The following PCDHGB5 variants were observed in gnomAD, a reference collection of about 807,000 sequenced individuals.
The protein encoded by PCDHGB5 is protocadherin gamma-B5.
In PCDHGB5, 48 loss-of-function variants were observed where a neutral mutation model predicts 62.9. The ratio of observed to expected loss-of-function variants is 0.76; its 90% CI spans 0.61 to 0.97. PCDHGB5 has a LOEUF of 0.97. Ranked by LOEUF, PCDHGB5 falls within the 50% of genes least tolerant of loss-of-function variation. PCDHGB5 has a pLI of 0.00. For synonymous variants in PCDHGB5, 474 were observed against 511.2 expected, an observed-to-expected ratio of 0.93 and a Z score of 0.98; for missense variants, 1,118 against 1,198.6, an observed-to-expected ratio of 0.93 and a Z score of 0.99.
chr5:141,421,665 C>T, intron 1 of PCDHGB5: 1 of 1,613,854 alleles, frequency 6.2e-7, no homozygotes, highest in African/African-American at 1.3e-5. Context: ...TCAGTGAGCA[C>T]GCAATTCCTG....
rs934366037 is a variant in PCDHGB5, at chr5:141,408,906, C to T, written c.2397+8382C>T. On this transcript the variant is annotated intron_variant, in intron 1 of 3. Transcript: ENST00000617380. Reference sequence around the variant, plus strand: ...CACATAGAAATTTCTGTCAAGGATACCAATGATAACCCCCCGGTTTTCAGC... The same window carrying T: ...CACATAGAAATTTCTGTCAAGGATATCAATGATAACCCCCCGGTTTTCAGC... 2.5e-6 allele frequency: 4 copies of T among 1,613,136 alleles called. No homozygotes were observed. The African/African-American group carries it at 4.0e-5, about 16-fold the overall frequency.
Position 141,489,252 on chromosome 5 carries a change from G to A in PCDHGB5, c.2398-5555G>A. 2 of 1,547,622 alleles carry A rather than the reference G, an allele frequency of 1.3e-6. No individual in the cohort carries two copies. Among genetic ancestry groups the A allele is most frequent in the Non-Finnish European group, 1.7e-6 (2 of 1,147,198 alleles). On this transcript the variant is annotated intron_variant, in intron 1 of 3. Coordinates refer to ENST00000617380, the MANE Select transcript of PCDHGB5 (RefSeq NM_018925.3). The surrounding 1 kb of genome is among the most constrained non-coding windows in gnomAD (Gnocchi z 4.5). ...GGGACTTCTGGGTCATGGGGCCCAAGACACTCCCACAGCTCGCTGGGAAAT... is the reference window on the plus strand; with the variant it reads ...GGGACTTCTGGGTCATGGGGCCCAAAACACTCCCACAGCTCGCTGGGAAAT...
At position 141,487,198 on chromosome 5, in the gene PCDHGB5, T is replaced by A; in HGVS notation, c.2398-7609T>A. The A allele has an allele frequency of 1.2e-6, 2 of 1,613,854 alleles. No individual in the cohort carries two copies. The highest frequency in any genetic ancestry group is 1.7e-6 in the Non-Finnish European group (2 of 1,179,722). ...AAGACACTCATCCAGTTGTCCCAGATCTTCGAGAATCTTCAGCTCCAAGGG... is the reference window on the plus strand; with the variant it reads ...AAGACACTCATCCAGTTGTCCCAGAACTTCGAGAATCTTCAGCTCCAAGGG... On this transcript the variant is annotated intron_variant, in intron 1 of 3. Transcript: ENST00000617380. The surrounding 1 kb of genome is among the most constrained non-coding windows in gnomAD (Gnocchi z 5.0).
intron 1 of PCDHGB5, among the ~76,000 whole-genome samples, chr5:141,463,570 T>A (rs557041487): frequency 2.7e-5 from 4 of 146,586 alleles, no homozygotes; most frequent in Middle Eastern, 3.5e-3. Context: ...TGCCTCAGCC[T>A]CCCGAGTAGC....
intron 1 of PCDHGB5, chr5:141,404,334 T>TC: frequency 6.2e-7 from 1 of 1,613,882 alleles, no homozygotes; most frequent in Non-Finnish European, 8.5e-7. Context: ...TCAGTCTACC[T>TC]CCCGGAAAAC....
intron 1 of PCDHGB5, chr5:141,410,576 C>T (rs533810160): frequency 8.7e-6 from 14 of 1,611,152 alleles, no homozygotes; most frequent in Non-Finnish European, 1.2e-5. Context: ...AATTCCACCT[C>T]ATGGTGGGGA....
intron 1 of PCDHGB5, chr5:141,421,722 G>C: frequency 6.2e-7 from 1 of 1,613,972 alleles, no homozygotes; most frequent in Non-Finnish European, 8.5e-7. Flanking sequence ...ATGTGGGCGT[G>C]AACTCCCTCC....
At chr5:141,415,129 G>C in intron 1 of PCDHGB5, 1 of 1,613,656 alleles carries the variant, frequency 6.2e-7, no homozygotes, top group African/African-American at 1.3e-5. Flanking sequence ...GGCCGTCCAG[G>C]ACCACGGCCA....
chr5:141,506,815 A>G (rs2099856451), intron 3 of PCDHGB5, among the ~76,000 whole-genome samples: 1 of 152,214 alleles, frequency 6.6e-6, no homozygotes, highest in African/African-American at 2.4e-5. Flanking sequence ...GCATTGCCCT[A>G]TATCATGAAC....
intron 1 of PCDHGB5, among the ~76,000 whole-genome samples, chr5:141,458,079 C>G (rs1016889225): frequency 6.6e-6 from 1 of 152,186 alleles, no homozygotes; most frequent in Non-Finnish European, 1.5e-5. Context: ...AACTATATTG[C>G]CGTAAGTTAA....
intron 1 of PCDHGB5, chr5:141,440,761 C>T (rs2098198732): frequency 6.6e-6 from 1 of 152,172 alleles, no homozygotes; most frequent in African/African-American, 2.4e-5. Context: ...GCAGAGCTCC[C>T]ATCCCTTAGT....
intron 2 of PCDHGB5, among the ~76,000 whole-genome samples, chr5:141,501,365 A>G (rs1360125423): frequency 1.3e-5 from 2 of 151,500 alleles, no homozygotes; most frequent in Admixed American, 6.6e-5. Flanking sequence ...AACCATATTC[A>G]TCATCTCTTA....
Position 141,399,787 on chromosome 5 carries a change from A to C in PCDHGB5, c.1660A>C (p.Asn554His), listed in dbSNP as rs111395890. ...CGTGTTGGTGGGCGACCGAAACGAC[A>C]ACGCACCGCGGGTGCTGTACCCCGC... ...LRVLVGDRND[N>H]APRVLYPALG... Residue 554 changes from asparagine to histidine, a missense_variant, in exon 1 of 4, where the codon AAC becomes CAC. By Grantham distance (68) the Asn-to-His change is moderately conservative. Coordinates refer to ENST00000617380, the MANE Select transcript of PCDHGB5 (RefSeq NM_018925.3). 76,979 of 1,613,184 alleles carry C rather than the reference A, an allele frequency of 0.048. 1,998 individuals carry two copies. The highest frequency in any genetic ancestry group is 0.077 in the South Asian group (6,989 of 91,044).
Position 141,476,116 on chromosome 5 carries a change from G to C in PCDHGB5, c.2398-18691G>C, listed in dbSNP as rs367958555. On this transcript the variant is annotated intron_variant, in intron 1 of 3. Transcript: ENST00000617380. The surrounding 1 kb of genome is among the most constrained non-coding windows in gnomAD (Gnocchi z 7.6). ...GCTGAGAGGAACTGCTTTTGAGTGA[G>C]ATGGTCCCAGAGGCCTGGAGGAGCG... 504 of 1,593,954 alleles carry C rather than the reference G, an allele frequency of 3.2e-4. No individual in the cohort carries two copies. Among genetic ancestry groups the C allele is most frequent in the Non-Finnish European group, 4.1e-4 (479 of 1,172,292 alleles).
chr5:141,456,633 C>CT (rs1229637837), intron 1 of PCDHGB5, among the ~76,000 whole-genome samples: 1 of 152,182 alleles, frequency 6.6e-6, no homozygotes, highest in Non-Finnish European at 1.5e-5. Context: ...CTCTTCTTTA[C>CT]TACAGGTGTT....
In PCDHGB5 at chr5:141,511,286, G is replaced by A. The variant is rs1231704933; in HGVS notation, c.*113G>A. On this transcript the variant is annotated 3_prime_UTR_variant, in exon 4 of 4. Coordinates refer to ENST00000617380, the MANE Select transcript of PCDHGB5 (RefSeq NM_018925.3). The stretch of plus-strand genomic sequence containing the variant: ...GGCTAACCCCCAGAATACTGGTAGG[G>A]GCCAAGGCCATGCTCCCCTTGGGAA... 2 of 1,520,242 alleles carry A rather than the reference G, an allele frequency of 1.3e-6. No individual in the cohort carries two copies. The allele number at this position is 1,520,242 out of a possible 1,614,324, so 94.2% of individuals were successfully genotyped here.
rs778246278 is a variant in PCDHGB5 at position 141,491,522 on chromosome 5, A to C, written c.2398-3285A>C. The C allele has an allele frequency of 6.2e-6, 10 of 1,614,024 alleles. No individual in the cohort carries two copies. The highest frequency in any genetic ancestry group is 8.5e-6 in the Non-Finnish European group (10 of 1,180,002). ...TCGGACGGCACGCTCAAGTACATGGAGGTGACGCTGCGGCCCACAGACTCG... is the reference window on the plus strand; with the variant it reads ...TCGGACGGCACGCTCAAGTACATGGCGGTGACGCTGCGGCCCACAGACTCG... On this transcript the variant is annotated intron_variant, in intron 1 of 3. Coordinates refer to ENST00000617380, the MANE Select transcript of PCDHGB5 (RefSeq NM_018925.3). The surrounding 1 kb of genome is among the most constrained non-coding windows in gnomAD (Gnocchi z 6.9).
chr5:141,422,359 G>A, intron 1 of PCDHGB5: 1 of 1,558,858 alleles, frequency 6.4e-7, no homozygotes, highest in Non-Finnish European at 8.6e-7. Flanking sequence ...TCAAGATTCT[G>A]GAGAAAATGG....
chr5:141,488,128 G>T (rs1412334197), intron 1 of PCDHGB5, among the ~76,000 whole-genome samples: 1 of 152,226 alleles, frequency 6.6e-6, no homozygotes, highest in Non-Finnish European at 1.5e-5. Context: ...ACAGCAGAAA[G>T]AGGAGAGAAC....
Sources: allele counts gnomAD v4.1 joint callset (sites outside exome capture counted in the v4.1 genomes callset), GRCh38; gene constraint gnomAD v4.1.1; non-coding constraint Gnocchi (gnomAD v3.1); transcripts MANE v1.5; gene names NCBI Gene and HGNC (gene_info 2026-07-23, HGNC 2026-07-21).